The following CNTNAP2 variants were observed in gnomAD, a reference collection of about 807,000 sequenced individuals.
CNTNAP2 encodes the protein contactin-associated protein-like 2.
CNTNAP2 carries 98 observed loss-of-function variants against 155.2 expected under a neutral mutation model. The ratio of observed to expected loss-of-function variants is 0.63; its 90% CI spans 0.54 to 0.75. CNTNAP2 has a LOEUF of 0.75. Ranked by LOEUF, CNTNAP2 falls within the 30% of genes least tolerant of loss-of-function variation. The pLI is 0.00. For missense variants in CNTNAP2, 1,727 were observed against 1,688.1 expected (o/e 1.02, Z -0.40); for synonymous variants, 651 against 631.2 (o/e 1.03, Z -0.47).
intron 19 of CNTNAP2, among the ~76,000 whole-genome samples, chr7:148,218,036 G>A (rs1795677761): frequency 6.6e-6 from 1 of 152,186 alleles, no homozygotes. Context: ...AAGATGGGAG[G>A]ATCACTTGAG....
Position 148,154,058 on chromosome 7 carries a change from TCAATTTA to T in CNTNAP2, c.2773+6351_2773+6357del, listed in dbSNP as rs1805355881. On this transcript the variant is annotated intron_variant, in intron 17 of 23. Transcript: ENST00000361727. ...CTTAACTCATGACAAATGTCCGTGC[TCAATTTA>T]CTTGGCTCTGGCCTCTTCTGATATC... 2.6e-5 allele frequency among the ~76,000 whole-genome samples: 4 copies of T among 152,372 alleles called. No individual in the cohort carries two copies. In the South Asian group the frequency reaches 8.3e-4, roughly 32 times the overall value.
chr7:146,191,815 T>C (rs1290833976), intron 1 of CNTNAP2, among the ~76,000 whole-genome samples: 1 of 152,214 alleles, frequency 6.6e-6, no homozygotes, highest in Non-Finnish European at 1.5e-5. Flanking sequence ...TCCCTGAACA[T>C]TGCTGTTACC....
intron 18 of CNTNAP2, among the ~76,000 whole-genome samples, chr7:148,200,884 GT>G (rs2116730950): frequency 1.3e-5 from 2 of 152,294 alleles, no homozygotes; most frequent in East Asian, 3.9e-4. Flanking sequence ...ACCCCATGGT[GT>G]TGTGAGACTA....
chr7:146,905,194 G>A (rs1796093545), intron 3 of CNTNAP2, among the ~76,000 whole-genome samples: 1 of 151,566 alleles, frequency 6.6e-6, no homozygotes, highest in Non-Finnish European at 1.5e-5. Flanking sequence ...AAAGTTCCCT[G>A]GAGTCGGGAG....
intron 1 of CNTNAP2, among the ~76,000 whole-genome samples, chr7:146,767,471 T>C (rs755211398): frequency 2.6e-5 from 4 of 152,138 alleles, no homozygotes; most frequent in African/African-American, 4.8e-5. Flanking sequence ...TGAAGAGTAA[T>C]AATAGCAATG....
At chr7:147,453,065 T>C (rs1055882584) in intron 10 of CNTNAP2, among the ~76,000 whole-genome samples, 1 of 152,010 alleles carries the variant, frequency 6.6e-6, no homozygotes, top group African/African-American at 2.4e-5. Context: ...TGTGAGAAAG[T>C]AGAAAAGGGA....
chr7:147,968,721 A>G (rs987997245), intron 14 of CNTNAP2, among the ~76,000 whole-genome samples: 2 of 152,118 alleles, frequency 1.3e-5, no homozygotes, highest in Admixed American at 1.3e-4. Context: ...CCTCCTCATA[A>G]TCATTTCAGT....
intron 13 of CNTNAP2, among the ~76,000 whole-genome samples, chr7:147,861,617 C>A (rs973642118): frequency 1.3e-5 from 2 of 152,114 alleles, no homozygotes; most frequent in African/African-American, 4.8e-5. Context: ...ATTATAGAAT[C>A]ATTAATGCAA....
intron 1 of CNTNAP2, among the ~76,000 whole-genome samples, chr7:146,219,785 G>A (rs980699536): frequency 2.6e-5 from 4 of 152,192 alleles, no homozygotes; most frequent in African/African-American, 9.6e-5. Context: ...GCTGATGGCA[G>A]CATCTGTGAT....
At chr7:147,977,640 G>A (rs904853816) in intron 14 of CNTNAP2, among the ~76,000 whole-genome samples, 7 of 152,130 alleles carry the variant, frequency 4.6e-5, no homozygotes, top group South Asian at 4.1e-4. Context: ...TCAGGGTGTC[G>A]CTTCTGTTTT....
chr7:147,034,208 A>G (rs1432056356), intron 3 of CNTNAP2, among the ~76,000 whole-genome samples: 1 of 152,196 alleles, frequency 6.6e-6, no homozygotes, highest in Non-Finnish European at 1.5e-5. Context: ...GCCTTTTAGC[A>G]AGCTAATGAA....
At chr7:146,779,663 T>TCTTAGTACAA (rs1285310059) in intron 2 of CNTNAP2, among the ~76,000 whole-genome samples, 1 of 152,188 alleles carries the variant, frequency 6.6e-6, no homozygotes, top group Non-Finnish European at 1.5e-5. Flanking sequence ...TTAGTAGATA[T>TCTTAGTACAA]GTCTAAGAAT....
At chr7:146,851,377 T>C (rs1794874815) in intron 3 of CNTNAP2, among the ~76,000 whole-genome samples, 1 of 152,162 alleles carries the variant, frequency 6.6e-6, no homozygotes, top group South Asian at 2.1e-4. Context: ...TTTAATGCTA[T>C]TGTTGGTGTT....
At chr7:146,361,754 A>G (rs756427426) in intron 1 of CNTNAP2, among the ~76,000 whole-genome samples, 10 of 152,152 alleles carry the variant, frequency 6.6e-5, no homozygotes, top group Non-Finnish European at 1.3e-4. Context: ...GTGTCATACA[A>G]TAGTCACGAT....
At chr7:146,540,097 T>C (rs982467684) in intron 1 of CNTNAP2, among the ~76,000 whole-genome samples, 4 of 151,998 alleles carry the variant, frequency 2.6e-5, no homozygotes, top group Non-Finnish European at 4.4e-5. Context: ...TAGCTTTGGA[T>C]TGGTGAGCAC....
chr7:146,497,714 C>T (rs1797239729), intron 1 of CNTNAP2, among the ~76,000 whole-genome samples: 1 of 151,220 alleles, frequency 6.6e-6, no homozygotes, highest in Non-Finnish European at 1.5e-5. Flanking sequence ...CTCAAGTTCT[C>T]CCTAAATGAT....
intron 13 of CNTNAP2, among the ~76,000 whole-genome samples, chr7:147,826,008 C>A (rs1283200387): frequency 6.6e-6 from 1 of 152,104 alleles, no homozygotes; most frequent in Admixed American, 6.6e-5. Flanking sequence ...AGGGTGAGAA[C>A]TTTGAGGATA....
intron 1 of CNTNAP2, among the ~76,000 whole-genome samples, chr7:146,520,336 A>ATC (rs1491505536): frequency 6.9e-6 from 1 of 145,426 alleles, no homozygotes; most frequent in African/African-American, 2.5e-5. Context: ...ATATATATAT[A>ATC]TCTTGAGATA....
chr7:146,987,891 A>G (rs902084209), intron 3 of CNTNAP2, among the ~76,000 whole-genome samples: 3 of 152,132 alleles, frequency 2.0e-5, no homozygotes, highest in African/African-American at 7.2e-5. Context: ...ATAACAATTG[A>G]GTGACTGTAA....
Sources: allele counts gnomAD v4.1 joint callset (sites outside exome capture counted in the v4.1 genomes callset), GRCh38; gene constraint gnomAD v4.1.1; transcripts MANE v1.5; gene names NCBI Gene and HGNC (gene_info 2026-07-23, HGNC 2026-07-21).